SHISA9: variants seen among roughly 807,000 people sequenced by gnomAD.
The protein encoded by SHISA9 is protein shisa-9.
A neutral mutation model predicts 38.0 loss-of-function variants in SHISA9; 13 were observed. That is an observed-to-expected ratio of 0.34 (90% CI 0.22 to 0.54). The LOEUF (loss-of-function observed/expected upper bound fraction) is 0.54, where lower values mean the gene tolerates loss of function less well. Among genes scored for constraint, SHISA9 ranks in the 20% least tolerant of loss-of-function variants. The probability of loss-of-function intolerance (pLI) is 0.91; values close to 1 mark genes in which losing one functional copy is unlikely to be tolerated. For missense variants in SHISA9, 538 were observed against 575.8 expected (o/e 0.93, Z 0.67); for synonymous variants, 275 against 242.0 (o/e 1.14, Z -1.27).
intron 2 of SHISA9, among the ~76,000 whole-genome samples, chr16:12,927,588 T>C (rs577425459): frequency 4.6e-5 from 7 of 151,998 alleles, no homozygotes; most frequent in Admixed American, 4.6e-4. Context: ...TTTTTTTTTT[T>C]TGTAGAGACA....
At chr16:13,413,775 A>T in the SHISA9 span, among the ~76,000 whole-genome samples, 10 of 151,198 alleles carry the variant, frequency 6.6e-5, no homozygotes, top group Non-Finnish European at 1.3e-4. Flanking sequence ...AAAAAAAAAA[A>T]AAAAAAAAAA....
chr16:13,002,258 C>G (rs1349666363), intron 2 of SHISA9, among the ~76,000 whole-genome samples: 1 of 152,172 alleles, frequency 6.6e-6, no homozygotes, highest in Non-Finnish European at 1.5e-5. Flanking sequence ...CTGGCAGAGA[C>G]AGGCTTGTAA....
intron 2 of SHISA9, among the ~76,000 whole-genome samples, chr16:13,061,276 G>A (rs117257067): frequency 6.6e-6 from 1 of 152,126 alleles, no homozygotes; most frequent in Admixed American, 6.5e-5. Context: ...CACACACGGC[G>A]TTAAAAGAAT....
At chr16:13,318,629 G>C in the SHISA9 span, among the ~76,000 whole-genome samples, 1 of 151,872 alleles carries the variant, frequency 6.6e-6, no homozygotes, top group Non-Finnish European at 1.5e-5. Context: ...CCCTCCAGAC[G>C]TTTCTAAATG....
the SHISA9 span, among the ~76,000 whole-genome samples, chr16:13,329,042 T>C: frequency 1.1e-4 from 16 of 152,224 alleles, no homozygotes; most frequent in Non-Finnish European, 2.2e-4. Flanking sequence ...AGGTTAAAAA[T>C]GGCGCCTCCA....
chr16:13,001,606 G>A (rs1472336464), intron 2 of SHISA9, among the ~76,000 whole-genome samples: 1 of 152,184 alleles, frequency 6.6e-6, no homozygotes, highest in Non-Finnish European at 1.5e-5. Context: ...CTTCTGGGCT[G>A]ATGCAAATGT....
At chr16:13,551,558 C>T in the SHISA9 span, among the ~76,000 whole-genome samples, 14,406 of 152,184 alleles carry the variant, frequency 0.095, 780 homozygotes, top group Middle Eastern at 0.14. Context: ...CAAACAGAAG[C>T]ATATGTGACT....
At chr16:13,376,977 A>G in the SHISA9 span, among the ~76,000 whole-genome samples, 38 of 152,182 alleles carry the variant, frequency 2.5e-4, no homozygotes, top group Admixed American at 1.2e-3. Flanking sequence ...ATGCCTGACC[A>G]TGATAGGGTA....
At chr16:12,979,068 A>G (rs534479340) in intron 2 of SHISA9, among the ~76,000 whole-genome samples, 102 of 152,332 alleles carry the variant, frequency 6.7e-4, no homozygotes, top group African/African-American at 2.1e-3. Context: ...CTAATCAGTC[A>G]TCGAGTCCTG....
the SHISA9 span, among the ~76,000 whole-genome samples, chr16:13,543,816 C>T: frequency 0.11 from 16,921 of 152,148 alleles, 1,056 homozygotes; most frequent in Non-Finnish European, 0.15. Context: ...GCATCCATGG[C>T]GTCTACACCC....
At chr16:13,226,013 A>G (rs1419648759) in intron 4 of SHISA9, among the ~76,000 whole-genome samples, 1 of 152,190 alleles carries the variant, frequency 6.6e-6, no homozygotes, top group East Asian at 1.9e-4. Flanking sequence ...CCATCTGCCC[A>G]CGAGGTACCG....
At chr16:13,144,150 G>T (rs954338707) in intron 2 of SHISA9, among the ~76,000 whole-genome samples, 1 of 150,988 alleles carries the variant, frequency 6.6e-6, no homozygotes, top group Non-Finnish European at 1.5e-5. Context: ...AGTTGGAGGG[G>T]CTAGTTCTTT....
At chr16:13,338,850 ATATTTTCCTAAGTG>A in the SHISA9 span, among the ~76,000 whole-genome samples, 1 of 152,184 alleles carries the variant, frequency 6.6e-6, no homozygotes, top group Non-Finnish European at 1.5e-5. Context: ...AAATGGCACA[ATATTTTCCTAAGTG>A]TATTTGGGTT....
chr16:13,400,321 A>G, the SHISA9 span, among the ~76,000 whole-genome samples: 12 of 151,580 alleles, frequency 7.9e-5, no homozygotes, highest in African/African-American at 2.9e-4. Context: ...GCACCCTGCT[A>G]ATTTACTTTA....
the SHISA9 span, among the ~76,000 whole-genome samples, chr16:13,496,242 T>C: frequency 2.1e-4 from 32 of 152,236 alleles, no homozygotes; most frequent in Non-Finnish European, 3.5e-4. Context: ...TTTTTTTTCC[T>C]CCATAACATC....
At chr16:13,353,870 C>T in the SHISA9 span, among the ~76,000 whole-genome samples, 1 of 152,146 alleles carries the variant, frequency 6.6e-6, no homozygotes, top group Non-Finnish European at 1.5e-5. Context: ...GCCTGAAAAA[C>T]TGCTTGGCTG....
At chr16:13,283,835 A>G in the SHISA9 span, among the ~76,000 whole-genome samples, 2 of 152,052 alleles carry the variant, frequency 1.3e-5, no homozygotes, top group Non-Finnish European at 2.9e-5. Context: ...CAGAACCCCA[A>G]CATCTCTCGG....
chr16:13,003,849 C>A (rs575126328), intron 2 of SHISA9, among the ~76,000 whole-genome samples: 10 of 143,978 alleles, frequency 6.9e-5, no homozygotes, highest in African/African-American at 2.2e-4. Context: ...CAGAGCGAGA[C>A]TCCGTCTCAA....
the SHISA9 span, among the ~76,000 whole-genome samples, chr16:13,434,419 G>GTTTTTTTTTTTTTTGTTTTT: frequency 4.6e-5 from 3 of 64,566 alleles, no homozygotes; most frequent in Non-Finnish European, 9.6e-5. Flanking sequence ...GACAAGCTAT[G>GTTTTTTTTTTTTTTGTTTTT]TTTTTTTTTT....
Sources: gnomAD v4.1 joint callset for allele counts (sites outside exome capture counted in the v4.1 genomes callset) on GRCh38, gnomAD v4.1.1 for gene constraint, MANE v1.5 for transcripts, NCBI Gene and HGNC (gene_info 2026-07-23, HGNC 2026-07-21) for gene names.